ANO6: variants seen among roughly 807,000 people sequenced by gnomAD.
ANO6 encodes anoctamin 6, also known as anoctamin-6.
ANO6 carries 106 observed loss-of-function variants against 117.5 expected under a neutral mutation model. The ratio of observed to expected loss-of-function variants is 0.90; its 90% confidence interval spans 0.77 to 1.06. The LOEUF is 1.06. Ranked by LOEUF, ANO6 falls within the 50% of genes least tolerant of loss-of-function variation. ANO6 has a pLI of 0.00. For synonymous variants in ANO6, 367 were observed against 385.1 expected, an observed-to-expected ratio of 0.95 and a Z score of 0.55; for missense variants, 955 against 1,121.1, an observed-to-expected ratio of 0.85 and a Z score of 2.12.
chr12:45,268,254 C>T (rs1442264463), intron 1 of ANO6, among the ~76,000 whole-genome samples: 3 of 152,216 alleles, frequency 2.0e-5, no homozygotes, highest in Non-Finnish European at 4.4e-5. Flanking sequence ...GGCACAGTGG[C>T]TCATGCCTGT....
At chr12:45,221,496 C>G (rs1216061633) in intron 1 of ANO6, among the ~76,000 whole-genome samples, 1 of 152,102 alleles carries the variant, frequency 6.6e-6, no homozygotes, top group Admixed American at 6.6e-5. Context: ...CCTCCATACA[C>G]TTTAAGGATT....
chr12:45,366,002 T>C (rs912881614), intron 8 of ANO6, among the ~76,000 whole-genome samples: 3 of 152,198 alleles, frequency 2.0e-5, no homozygotes, highest in African/African-American at 7.2e-5. Flanking sequence ...CCTATTTGTT[T>C]TTCCTTAGTT....
At chr12:45,307,410 G>C (rs748411697) in intron 2 of ANO6, among the ~76,000 whole-genome samples, 1 of 152,132 alleles carries the variant, frequency 6.6e-6, no homozygotes, top group Non-Finnish European at 1.5e-5. Flanking sequence ...AATGTGAGCT[G>C]TGCGAGAAAG....
intron 2 of ANO6, among the ~76,000 whole-genome samples, chr12:45,316,975 AT>A (rs1378974148): frequency 1.3e-5 from 2 of 149,762 alleles, no homozygotes; most frequent in African/African-American, 2.4e-5. Flanking sequence ...AATTTAAAAA[AT>A]ATGTATTAAT....
At position 45,416,919 on chromosome 12, in the gene ANO6, G is replaced by C. The variant is rs770163140; in HGVS notation, c.2217+15G>C. Reference sequence around the variant, plus strand: ...TGGTGACCAATGTGAGTAGACCTAAGCTTTACAGAGTAAAGACCTTGAAGA... The same window carrying C: ...TGGTGACCAATGTGAGTAGACCTAACCTTTACAGAGTAAAGACCTTGAAGA... On this transcript the variant is annotated intron_variant, in intron 17 of 19. Coordinates refer to ENST00000320560, the MANE Select transcript of ANO6 (RefSeq NM_001025356.3). 1.9e-6 allele frequency: 3 copies of C among 1,613,444 alleles called. No individual in the cohort carries two copies. Among genetic ancestry groups the C allele is most frequent in the South Asian group, 1.1e-5 (1 of 91,062 alleles).
At chr12:45,281,378 T>C (rs964547582) in intron 1 of ANO6, among the ~76,000 whole-genome samples, 3 of 152,200 alleles carry the variant, frequency 2.0e-5, no homozygotes, top group African/African-American at 4.8e-5. Context: ...TGTGACTGGG[T>C]AATTTATAAA....
chr12:45,347,578 A>T (rs1050698550), intron 4 of ANO6: 1 of 182,926 alleles, frequency 5.5e-6, no homozygotes, highest in Non-Finnish European at 1.1e-5. Flanking sequence ...AAATGGATTT[A>T]TGTCAATAAA....
intron 7 of ANO6, 29 bp from the exon 8 acceptor site, chr12:45,357,261 T>C (rs747953092): frequency 1.2e-6 from 2 of 1,610,436 alleles, no homozygotes; most frequent in South Asian, 2.2e-5. Context: ...TATTTGCATC[T>C]TCTAAAAATA....
In ANO6 at chr12:45,367,737, C is replaced by G; in HGVS notation, c.1048C>G (p.Gln350Glu). 1 of 1,613,664 alleles carries G rather than the reference C, an allele frequency of 6.2e-7. No individual in the cohort carries two copies. Reference sequence around the variant, plus strand: ...TGGTGGCAAGATCATAATGTGTCCTCAGTGTGATAGGCTTTGTCCATTCTG... The same window carrying G: ...TGGTGGCAAGATCATAATGTGTCCTGAGTGTGATAGGCTTTGTCCATTCTG... ...DIGGKIIMCP[Q>E]CDRLCPFWKL... The change falls in exon 9 of 20, where the codon CAG becomes GAG. Residue 350 changes from glutamine to glutamate, a missense_variant. Physicochemically the swap from Gln to Glu is conservative, Grantham distance 29. Transcript: ENST00000320560.
At chr12:45,317,549 C>A (rs1293258035) in intron 2 of ANO6, among the ~76,000 whole-genome samples, 1 of 151,700 alleles carries the variant, frequency 6.6e-6, no homozygotes, top group South Asian at 2.1e-4. Flanking sequence ...GGTTCCAAGT[C>A]TTTGCTATTG....
intron 9 of ANO6, among the ~76,000 whole-genome samples, chr12:45,376,551 AG>A (rs1274415314): frequency 7.0e-6 from 1 of 143,548 alleles, no homozygotes; most frequent in Non-Finnish European, 1.5e-5. Context: ...TGTCCTTTGT[AG>A]GGACATGGAT....
intron 12 of ANO6, among the ~76,000 whole-genome samples, chr12:45,397,598 A>G (rs879106189): frequency 1.6e-4 from 24 of 152,332 alleles, no homozygotes; most frequent in East Asian, 7.7e-4. Flanking sequence ...ATGTCCACCA[A>G]TGATAGACTG....
At chr12:45,265,220 G>T (rs751092377) in intron 1 of ANO6, among the ~76,000 whole-genome samples, 2 of 152,078 alleles carry the variant, frequency 1.3e-5, no homozygotes, top group African/African-American at 4.8e-5. Context: ...TTGTAGTCTC[G>T]ATTTTAAAGA....
At chr12:45,284,082 C>T (rs1390434346) in intron 1 of ANO6, among the ~76,000 whole-genome samples, 1 of 152,136 alleles carries the variant, frequency 6.6e-6, no homozygotes, top group Admixed American at 6.5e-5. Context: ...CCCAAAGATA[C>T]AGGGGAAATT....
chr12:45,378,172 A>C, intron 10 of ANO6, 59 bp downstream of exon 10: 1 of 1,507,402 alleles, frequency 6.6e-7, no homozygotes, highest in Non-Finnish European at 9.1e-7. Context: ...AGTTTTATGT[A>C]GGCTATCAAA....
At chr12:45,372,687 G>A (rs1251702676) in intron 9 of ANO6, among the ~76,000 whole-genome samples, 1 of 151,958 alleles carries the variant, frequency 6.6e-6, no homozygotes, top group African/African-American at 2.4e-5. Context: ...CACCAGGCCT[G>A]CCCTAAAAGA....
intron 10 of ANO6, among the ~76,000 whole-genome samples, chr12:45,380,460 T>C (rs2137552812): frequency 6.6e-6 from 1 of 152,350 alleles, no homozygotes; most frequent in African/African-American, 2.4e-5. Context: ...CTAGCTGCAC[T>C]TGGGGATCAG....
intron 1 of ANO6, among the ~76,000 whole-genome samples, chr12:45,219,503 ATTT>A (rs59216107): frequency 4.2e-5 from 5 of 119,660 alleles, no homozygotes; most frequent in Admixed American, 8.9e-5. Context: ...TGCCTGGCCA[ATTT>A]TTTTTTTTTT....
At chr12:45,285,599 C>T (rs745514337) in intron 1 of ANO6, among the ~76,000 whole-genome samples, 5 of 151,986 alleles carry the variant, frequency 3.3e-5, no homozygotes, top group African/African-American at 7.2e-5. Flanking sequence ...CGTTGTGCTA[C>T]GCACCTGTAG....
Sources: allele counts gnomAD v4.1 joint callset (sites outside exome capture counted in the v4.1 genomes callset), GRCh38; gene constraint gnomAD v4.1.1; transcripts MANE v1.5; gene names NCBI Gene and HGNC (gene_info 2026-07-23, HGNC 2026-07-21).